NCALD: variants seen among roughly 807,000 people sequenced by gnomAD.
NCALD encodes neurocalcin-delta.
A neutral mutation model predicts 18.6 loss-of-function variants in NCALD; 10 were observed. The ratio of observed to expected loss-of-function variants is 0.54; its 90% confidence interval spans 0.33 to 0.91. The LOEUF (loss-of-function observed/expected upper bound fraction) is 0.91, where lower values mean the gene tolerates loss of function less well. Among genes scored for constraint, NCALD ranks in the 40% least tolerant of loss-of-function variants. The pLI is 0.03. For synonymous variants in NCALD, 88 were observed against 87.4 expected (o/e 1.01, Z -0.04); for missense variants, 184 against 247.6 (o/e 0.74, Z 1.72).
chr8:101,759,849 T>A (rs552175555), intron 1 of NCALD, among the ~76,000 whole-genome samples: 9 of 152,300 alleles, frequency 5.9e-5, no homozygotes, highest in African/African-American at 1.9e-4. Context: ...GTATCATCAG[T>A]AAGGGCACAT....
rs776531445 is a variant in NCALD, at chr8:101,866,522, T to C, written c.-20+20619A>G. 6.6e-5 allele frequency among the ~76,000 whole-genome samples: 10 copies of C among 152,210 alleles called. 1 individual carries two copies. The highest frequency in any genetic ancestry group is 2.0e-4 in the Admixed American group (3 of 15,280). On this transcript the variant is annotated intron_variant, in intron 4 of 6. Coordinates refer to the NCALD transcript ENST00000311028. Reference sequence around the variant, plus strand: ...TCTAATAGATGTTTAGGACTTAATATGTCCCCAGATTGTCCCTTGATCTTT... The same window carrying C: ...TCTAATAGATGTTTAGGACTTAATACGTCCCCAGATTGTCCCTTGATCTTT...
At chr8:101,940,153 A>C (rs1818903895) in intron 2 of NCALD, among the ~76,000 whole-genome samples, 1 of 150,578 alleles carries the variant, frequency 6.6e-6, no homozygotes, top group South Asian at 2.1e-4. Flanking sequence ...AATCTTGAGA[A>C]GAGGAGTACC....
chr8:101,806,441 C>T (rs1382604920), intron 4 of NCALD, among the ~76,000 whole-genome samples: 1 of 151,978 alleles, frequency 6.6e-6, no homozygotes, highest in African/African-American at 2.4e-5. Context: ...TAAAGAAAAT[C>T]ATACTTTATG....
chr8:101,969,627 C>G (rs932694929), intron 2 of NCALD, among the ~76,000 whole-genome samples: 3 of 148,364 alleles, frequency 2.0e-5, no homozygotes, highest in African/African-American at 7.7e-5. Context: ...TGGCTTCTGC[C>G]TGGCAAAAAA....
intron 1 of NCALD, among the ~76,000 whole-genome samples, chr8:101,742,437 T>C (rs548071008): frequency 9.2e-5 from 14 of 152,316 alleles, no homozygotes; most frequent in African/African-American, 3.4e-4. Context: ...CCTGAGTCAA[T>C]TGCTTATTTC....
intron 2 of NCALD, among the ~76,000 whole-genome samples, chr8:101,922,799 A>G: frequency 6.6e-6 from 1 of 152,336 alleles, no homozygotes; most frequent in Middle Eastern, 3.4e-3. Context: ...TTTCTTCTAT[A>G]CATACATACC....
In NCALD at chr8:102,111,326, C is replaced by T. The variant is rs988573586; in HGVS notation, c.-210+12911G>A. 2.4e-4 allele frequency among the ~76,000 whole-genome samples: 36 copies of T among 151,974 alleles called. 1 individual carries two copies. Among genetic ancestry groups the T allele is most frequent in the African/African-American group, 7.3e-4 (30 of 41,358 alleles). ...TCATCATGGCTTCCAAAGGGTGAGGCGGTGGGAACTCAACATCACTGACTT... is the reference window on the plus strand; with the variant it reads ...TCATCATGGCTTCCAAAGGGTGAGGTGGTGGGAACTCAACATCACTGACTT... On this transcript the variant is annotated intron_variant, in intron 1 of 6. Transcript: ENST00000311028.
At chr8:101,766,945 C>A (rs1811374041) in intron 1 of NCALD, among the ~76,000 whole-genome samples, 1 of 152,172 alleles carries the variant, frequency 6.6e-6, no homozygotes, top group African/African-American at 2.4e-5. Context: ...GTTTAATTTA[C>A]AACAATTTAA....
intron 2 of NCALD, among the ~76,000 whole-genome samples, chr8:101,952,265 A>C (rs1353159894): frequency 3.9e-5 from 6 of 152,116 alleles, no homozygotes; most frequent in Non-Finnish European, 5.9e-5. Context: ...GAAACAACTG[A>C]CCACTCACAT....
At chr8:101,938,667 C>T (rs536211425) in intron 2 of NCALD, among the ~76,000 whole-genome samples, 1 of 150,298 alleles carries the variant, frequency 6.7e-6, no homozygotes, top group South Asian at 2.1e-4. Context: ...AAAAAAAAAA[C>T]TTGTAAGTGG....
At chr8:101,918,904 TC>T (rs936439640) in intron 2 of NCALD, among the ~76,000 whole-genome samples, 1 of 152,172 alleles carries the variant, frequency 6.6e-6, no homozygotes, top group Non-Finnish European at 1.5e-5. Flanking sequence ...ATTAGGAGGA[TC>T]AATGTTGTTA....
chr8:101,967,890 A>G (rs1183425518), intron 2 of NCALD, among the ~76,000 whole-genome samples: 1 of 151,802 alleles, frequency 6.6e-6, no homozygotes, highest in Non-Finnish European at 1.5e-5. Context: ...CAGTCATTTC[A>G]TGCCAGATGC....
At chr8:101,792,327 T>C (rs1586517774), upstream of NCALD, among the ~76,000 whole-genome samples, 1 of 152,236 alleles carries the variant, frequency 6.6e-6, no homozygotes, top group East Asian at 1.9e-4. Context: ...ATAAGACTAA[T>C]GTTCAAATCA....
chr8:101,737,360 T>C (rs780809104), intron 1 of NCALD, among the ~76,000 whole-genome samples: 8 of 152,250 alleles, frequency 5.3e-5, no homozygotes, highest in Non-Finnish European at 8.8e-5. Context: ...CTGTCTTCAC[T>C]GTCTCCCATC....
At chr8:101,816,632 G>A (rs1181255594) in intron 4 of NCALD, among the ~76,000 whole-genome samples, 1 of 152,064 alleles carries the variant, frequency 6.6e-6, no homozygotes, top group African/African-American at 2.4e-5. Flanking sequence ...TTCTCCTGTT[G>A]ATCTGTCTTA....
intron 1 of NCALD, among the ~76,000 whole-genome samples, chr8:102,049,688 T>C (rs1823363901): frequency 6.6e-6 from 1 of 152,180 alleles, no homozygotes; most frequent in African/African-American, 2.4e-5. Context: ...TTGTTCCACA[T>C]CCTCACCAGC....
At chr8:101,955,066 C>T (rs993653607) in intron 2 of NCALD, among the ~76,000 whole-genome samples, 1 of 152,114 alleles carries the variant, frequency 6.6e-6, no homozygotes, top group Non-Finnish European at 1.5e-5. Flanking sequence ...ATCCCATAGC[C>T]GCCACTCTCC....
chr8:101,690,863 C>A (rs995646131), intron 3 of NCALD: 2 of 985,232 alleles, frequency 2.0e-6, no homozygotes, highest in Admixed American at 6.1e-5. Flanking sequence ...GAACACTTTG[C>A]AGTCTCTCAG....
chr8:102,040,870 T>A (rs1470542379), intron 1 of NCALD, among the ~76,000 whole-genome samples: 1 of 152,146 alleles, frequency 6.6e-6, no homozygotes, highest in Non-Finnish European at 1.5e-5. Context: ...ACCAAGCCAA[T>A]GGGAAGCTCC....
Sources: allele counts gnomAD v4.1 joint callset (sites outside exome capture counted in the v4.1 genomes callset), GRCh38; gene constraint gnomAD v4.1.1; transcripts MANE v1.5; gene names NCBI Gene and HGNC (gene_info 2026-07-23, HGNC 2026-07-21).